Variants in HINT3 observed in about 807,000 individuals in gnomAD.
HINT3 encodes the protein histidine triad nucleotide binding protein 3.
HINT3 carries 16 observed loss-of-function variants against 19.1 expected under a neutral mutation model. The ratio of observed to expected loss-of-function variants is 0.84; its 90% CI spans 0.57 to 1.27. The LOEUF (loss-of-function observed/expected upper bound fraction) is 1.27. Ranked by LOEUF, HINT3 falls within the 50% of genes most tolerant of loss-of-function variation. HINT3 has a pLI of 0.00. For missense variants in HINT3, 197 were observed against 225.8 expected (o/e 0.87, Z 0.82); for synonymous variants, 75 against 84.8 (o/e 0.88, Z 0.63).
At chr6:125,973,787 T>C (rs981649715) in intron 3 of HINT3, among the ~76,000 whole-genome samples, 1 of 152,242 alleles carries the variant, frequency 6.6e-6, no homozygotes, top group Non-Finnish European at 1.5e-5. Context: ...GGACAAAGAA[T>C]TGAGAGCCCT....
intron 1 of HINT3, among the ~76,000 whole-genome samples, chr6:125,964,633 G>T (rs1788991579): frequency 6.6e-6 from 1 of 151,648 alleles, no homozygotes; most frequent in Non-Finnish European, 1.5e-5. Flanking sequence ...CCATTGTGTG[G>T]ATTTGCCATA....
chr6:125,972,664 A>T (rs935652709), intron 3 of HINT3, among the ~76,000 whole-genome samples: 1 of 152,098 alleles, frequency 6.6e-6, no homozygotes. Flanking sequence ...ATCATGGCTC[A>T]TTGCAGCCTC....
At chr6:125,966,282 A>G (rs892916989) in intron 1 of HINT3, among the ~76,000 whole-genome samples, 1 of 152,200 alleles carries the variant, frequency 6.6e-6, no homozygotes, top group Non-Finnish European at 1.5e-5. Flanking sequence ...AACTGATGCC[A>G]TACATGTAGT....
rs1217087857 is a variant in HINT3, at chr6:125,970,459, A to G, written c.320-1800A>G. 2.6e-5 allele frequency among the ~76,000 whole-genome samples: 4 copies of G among 152,192 alleles called. No homozygotes were observed. In the East Asian group the frequency reaches 7.7e-4, roughly 29 times the overall value. Reference sequence around the variant, plus strand: ...GCAGAAGTGGAGAATAGAGGCTGTTATAACTAGTTTTTATAATGTTGCAAA... The same window carrying G: ...GCAGAAGTGGAGAATAGAGGCTGTTGTAACTAGTTTTTATAATGTTGCAAA... On this transcript the variant is annotated intron_variant, in intron 2 of 4. Coordinates refer to ENST00000229633, the MANE Select transcript of HINT3 (RefSeq NM_138571.5).
intron 4 of HINT3, among the ~76,000 whole-genome samples, chr6:125,975,194 A>T (rs532322121): frequency 6.6e-6 from 1 of 152,308 alleles, no homozygotes; most frequent in Admixed American, 6.5e-5. Context: ...TCCCCATTGC[A>T]AGTAGCAGAT....
chr6:125,964,661 C>A (rs1352544208), intron 1 of HINT3, among the ~76,000 whole-genome samples: 1 of 151,908 alleles, frequency 6.6e-6, no homozygotes, highest in Non-Finnish European at 1.5e-5. Context: ...AAACCAGTCG[C>A]CCAGCTGCAT....
chr6:125,974,592 G>A (rs1027735913), intron 3 of HINT3, among the ~76,000 whole-genome samples: 1 of 152,188 alleles, frequency 6.6e-6, no homozygotes, highest in Non-Finnish European at 1.5e-5. Context: ...AATTCATAAA[G>A]ATTATATTGA....
At chr6:125,973,065 CTTTTTTT>C (rs869084942) in intron 3 of HINT3, among the ~76,000 whole-genome samples, 2 of 74,482 alleles carry the variant, frequency 2.7e-5, no homozygotes, top group African/African-American at 5.4e-5. Flanking sequence ...AATTTTTCAA[CTTTTTTT>C]TTTTTTTTTT....
At chr6:125,962,185 T>C (rs372361885) in intron 1 of HINT3, among the ~76,000 whole-genome samples, 3,484 of 35,320 alleles carry the variant, frequency 0.099, 274 homozygotes, top group Middle Eastern at 0.17. Context: ...TATATATATA[T>C]ACACATATAT....
intron 1 of HINT3, among the ~76,000 whole-genome samples, chr6:125,960,665 GAAAAAAAAA>G (rs1788910185): frequency 8.9e-6 from 1 of 112,098 alleles, no homozygotes; most frequent in African/African-American, 2.9e-5. Flanking sequence ...TGGGGGGGGG[GAAAAAAAAA>G]GAAGTTAGGG....
Position 125,977,753 on chromosome 6 carries a change from C to G in HINT3, c.*77C>G, listed in dbSNP as rs2128712361. On this transcript the variant is annotated 3_prime_UTR_variant, in exon 5 of 5. Coordinates refer to ENST00000229633, the MANE Select transcript of HINT3 (RefSeq NM_138571.5). ...TTTAGGTCCCTTTTAAGTCTAATTGCAATTTTAAGATTTGTTGGGTTTTAT... is the reference window on the plus strand; with the variant it reads ...TTTAGGTCCCTTTTAAGTCTAATTGGAATTTTAAGATTTGTTGGGTTTTAT... 10 of 790,814 alleles carry G rather than the reference C, an allele frequency of 1.3e-5. No homozygotes were observed. The highest frequency in any genetic ancestry group is 1.8e-5 in the Non-Finnish European group (9 of 506,488). 49.0% of individuals were successfully genotyped at this position (790,814 alleles called of 1,614,324 possible).
chr6:125,964,890 A>G (rs1189779047), intron 1 of HINT3, among the ~76,000 whole-genome samples: 2 of 152,152 alleles, frequency 1.3e-5, no homozygotes, highest in Non-Finnish European at 2.9e-5. Flanking sequence ...GGGTGACATC[A>G]GAGCTAGTTT....
At chr6:125,969,675 T>C (rs1047053582) in intron 2 of HINT3, among the ~76,000 whole-genome samples, 2 of 152,220 alleles carry the variant, frequency 1.3e-5, no homozygotes, top group Non-Finnish European at 2.9e-5. Flanking sequence ...AGCAGCATTT[T>C]ATAGTTCTCC....
rs1562211533 is a variant in HINT3, at chr6:125,960,671, A to AGG, written c.201+3493_201+3494insGG. On this transcript the variant is annotated intron_variant, in intron 1 of 4. Transcript: ENST00000229633. ...GACTCTCTCTGGGGGGGGGGAAAAA[A>AGG]AAAGAAGTTAGGGCAAGCAAGTGGC... Among the ~76,000 whole-genome samples, 14 of 92,462 alleles carry AGG rather than the reference A, an allele frequency of 1.5e-4. 1 individual carries two copies. Among genetic ancestry groups the AGG allele is most frequent in the Admixed American group, 1.6e-4 (1 of 6,376 alleles). The allele number at this position is 92,462 out of a possible 152,430, so 60.7% of individuals were successfully genotyped here. A position where few individuals can be genotyped will look rare whatever the true frequency, so the allele number is the denominator to read the frequency against.
chr6:125,970,870 A>G (rs992169370), intron 2 of HINT3, among the ~76,000 whole-genome samples: 9 of 152,346 alleles, frequency 5.9e-5, no homozygotes, highest in African/African-American at 2.2e-4. Context: ...AAAAAAAGAT[A>G]TAGTCTGGCT....
chr6:125,960,877 G>C (rs1264261549), intron 1 of HINT3, among the ~76,000 whole-genome samples: 1 of 152,178 alleles, frequency 6.6e-6, no homozygotes. Context: ...AAATATAAAA[G>C]TAGGCTAAAG....
At position 125,978,490 on chromosome 6, in the gene HINT3, G is replaced by A. The variant is rs1297310326; in HGVS notation, c.*814G>A. ...TAAACTTTGCTTTTATCATGAAAAGGGCCTGATTTGAAGGTAGAGATAGGC... is the reference window on the plus strand; with the variant it reads ...TAAACTTTGCTTTTATCATGAAAAGAGCCTGATTTGAAGGTAGAGATAGGC... On this transcript the variant is annotated 3_prime_UTR_variant, in exon 5 of 5. Coordinates refer to ENST00000229633, the MANE Select transcript of HINT3 (RefSeq NM_138571.5). 1 of 152,058 alleles carries A rather than the reference G, an allele frequency of 6.6e-6. No individual in the cohort carries two copies. The highest frequency in any genetic ancestry group is 1.9e-4 in the East Asian group (1 of 5,198). The allele number at this position is 152,058 out of a possible 1,614,324, so 9.4% of individuals were successfully genotyped here. A position where few individuals can be genotyped will look rare whatever the true frequency, so the allele number is the denominator to read the frequency against.
At chr6:125,960,654 C>T (rs1048586332) in intron 1 of HINT3, among the ~76,000 whole-genome samples, 6 of 57,046 alleles carry the variant, frequency 1.1e-4, no homozygotes, top group African/African-American at 2.0e-4. Flanking sequence ...AAGACTCTCT[C>T]TGGGGGGGGG....
intron 2 of HINT3, among the ~76,000 whole-genome samples, chr6:125,970,814 T>C (rs1789086226): frequency 6.6e-6 from 1 of 152,122 alleles, no homozygotes; most frequent in South Asian, 2.1e-4. Context: ...CTTATAAATA[T>C]GTTCTCTAAA....
Sources: gnomAD v4.1 joint callset for allele counts (sites outside exome capture counted in the v4.1 genomes callset) on GRCh38, gnomAD v4.1.1 for gene constraint, MANE v1.5 for transcripts, NCBI Gene and HGNC (gene_info 2026-07-23, HGNC 2026-07-21) for gene names.